The following RPTOR variants were observed in gnomAD, a reference collection of about 807,000 sequenced individuals.
RPTOR encodes regulatory-associated protein of mTOR.
A neutral mutation model predicts 169.9 loss-of-function variants in RPTOR; 21 were observed. The ratio of observed to expected loss-of-function variants is 0.12; its 90% CI spans 0.09 to 0.18. The LOEUF (loss-of-function observed/expected upper bound fraction) is 0.18. RPTOR is among the 10% of genes least tolerant of loss of function. The probability of loss-of-function intolerance (pLI) is 1.00; values close to 1 mark genes in which losing one functional copy is unlikely to be tolerated. For synonymous variants in RPTOR, 732 were observed against 753.2 expected (o/e 0.97, Z 0.46); for missense variants, 1,133 against 1,855.9 (o/e 0.61, Z 7.16).
chr17:80,888,705 G>A (rs2068278952), intron 17 of RPTOR, among the ~76,000 whole-genome samples: 1 of 152,246 alleles, frequency 6.6e-6, no homozygotes, highest in Non-Finnish European at 1.5e-5. Context: ...CTGCAGGGAG[G>A]GCTGCACCCA....
In RPTOR at chr17:80,827,043, A is replaced by G. The variant is rs115248406; in HGVS notation, c.1136+3820A>G. 7.1e-3 allele frequency among the ~76,000 whole-genome samples: 1,086 copies of G among 152,320 alleles called. 16 individuals carry two copies. Among genetic ancestry groups the G allele is most frequent in the African/African-American group, 0.025 (1,034 of 41,574 alleles). The stretch of plus-strand genomic sequence containing the variant: ...AGGAAGAGGCGAGCAGGAGTGACTC[A>G]CACCAGGCTCGGGCTCCAGGCTTCC... On this transcript the variant is annotated intron_variant, in intron 9 of 33. Transcript: ENST00000306801.
At chr17:80,898,235 T>C (rs1040394520) in intron 20 of RPTOR, among the ~76,000 whole-genome samples, 5 of 152,278 alleles carry the variant, frequency 3.3e-5, no homozygotes, top group Admixed American at 6.5e-5. Flanking sequence ...CCCTTGAGGC[T>C]GTCTGCAGTA....
intron 6 of RPTOR, among the ~76,000 whole-genome samples, chr17:80,765,279 T>A (rs10871488): frequency 6.6e-6 from 1 of 152,034 alleles, no homozygotes; most frequent in Non-Finnish European, 1.5e-5. Flanking sequence ...TCAGTTCTTC[T>A]TTTCAGAGAG....
chr17:80,608,955 G>T (rs536411990), intron 1 of RPTOR, among the ~76,000 whole-genome samples: 1 of 152,262 alleles, frequency 6.6e-6, no homozygotes, highest in African/African-American at 2.4e-5. Context: ...TGAGAGTCGG[G>T]AATGAACAAT....
Position 80,861,273 on chromosome 17 carries a change from A to T in RPTOR, c.1509+3373A>T, listed in dbSNP as rs988169353. 6.9e-6 allele frequency among the ~76,000 whole-genome samples: 1 copy of T among 144,554 alleles called. No homozygotes were observed. The highest frequency in any genetic ancestry group is 2.4e-5 in the African/African-American group (1 of 40,894). The allele number at this position is 144,554 out of a possible 152,430, so 94.8% of individuals were successfully genotyped here. ...AGCCACAGTTCCAGAGCTCAGAACC[A>T]GGACGTGGAAAACTGCTGTGTAAAT... On this transcript the variant is annotated intron_variant, in intron 13 of 33. Coordinates refer to ENST00000306801, the MANE Select transcript of RPTOR (RefSeq NM_020761.3). This position sits in a 1 kb window ranked among gnomAD's most constrained non-coding sequence, Gnocchi z 4.5.
chr17:80,873,406 G>C (rs2068072573), intron 13 of RPTOR, among the ~76,000 whole-genome samples: 3 of 152,122 alleles, frequency 2.0e-5, no homozygotes, highest in Admixed American at 2.0e-4. Context: ...CGCCTAATAG[G>C]AACCAGGACG....
At chr17:80,809,327 G>A (rs2067250049) in intron 7 of RPTOR, among the ~76,000 whole-genome samples, 1 of 152,178 alleles carries the variant, frequency 6.6e-6, no homozygotes, top group East Asian at 1.9e-4. Flanking sequence ...GAGTAAGTGG[G>A]ATTACAGGCG....
At chr17:80,876,129 A>G (rs1481781313) in intron 13 of RPTOR, among the ~76,000 whole-genome samples, 19 of 83,144 alleles carry the variant, frequency 2.3e-4, no homozygotes, top group Admixed American at 5.9e-4. Context: ...GCTGCCCAGG[A>G]TGTGTGTGTC....
rs1567831460 is a variant in RPTOR, at chr17:80,634,715, CGTACTGTGT to C, written c.265+8925_265+8933del. Among the ~76,000 whole-genome samples the C allele has an allele frequency of 1.6e-3, 120 of 76,784 alleles. 5 individuals carry two copies. Among genetic ancestry groups the C allele is most frequent in the African/African-American group, 6.0e-3 (85 of 14,098 alleles). 50.4% of individuals were successfully genotyped at this position (76,784 alleles called of 152,430 possible). A position where few individuals can be genotyped will look rare whatever the true frequency, so the allele number is the denominator to read the frequency against. The stretch of plus-strand genomic sequence containing the variant: ...TGTGCGTGTGCGTACTGTGTGTGTG[CGTACTGTGT>C]GTGTGCGTACTGTGTGTGTGCATAC... On this transcript the variant is annotated intron_variant, in intron 2 of 33. Transcript: ENST00000306801.
chr17:80,680,807 C>T (rs896522428), intron 3 of RPTOR, among the ~76,000 whole-genome samples: 2 of 152,048 alleles, frequency 1.3e-5, no homozygotes, highest in African/African-American at 2.4e-5. Flanking sequence ...AGTGGTCCTG[C>T]GTGCCGAGGC....
chr17:80,922,913 C>T lies in RPTOR; in HGVS notation c.2624+86C>T. 2 of 1,113,360 alleles carry T rather than the reference C, an allele frequency of 1.8e-6. 1 individual carries two copies. The highest frequency in any genetic ancestry group is 2.8e-5 in the South Asian group (2 of 72,376). 69.0% of individuals were successfully genotyped at this position (1,113,360 alleles called of 1,614,324 possible). ...CTGTCCCTGAGCCGGCCTCCCCATC[C>T]TCCTCCTTCCCCGCCCTGTCTTGGC... is the stretch of plus-strand genomic sequence containing the variant. On this transcript the variant is annotated intron_variant, in intron 22 of 33. Coordinates refer to ENST00000306801, the MANE Select transcript of RPTOR (RefSeq NM_020761.3).
At chr17:80,620,283 T>G (rs2143516395) in intron 1 of RPTOR, among the ~76,000 whole-genome samples, 2 of 152,342 alleles carry the variant, frequency 1.3e-5, no homozygotes, top group South Asian at 4.1e-4. Flanking sequence ...GGAAAATGTC[T>G]TAAAGTCAAA....
intron 3 of RPTOR, among the ~76,000 whole-genome samples, chr17:80,673,986 A>C (rs1308350544): frequency 6.6e-6 from 1 of 152,234 alleles, no homozygotes; most frequent in Non-Finnish European, 1.5e-5. Context: ...GAGTGTCATC[A>C]TCTTGGCCCT....
In RPTOR at chr17:80,743,500, T is replaced by A. The variant is rs936440347; in HGVS notation, c.655-10510T>A. ...TTGTGTGGGGAGCTCCAGCAGCGCG[T>A]TCGGAGTGCTGGGCATTGCCAGGTC... is the stretch of plus-strand genomic sequence containing the variant. On this transcript the variant is annotated intron_variant, in intron 5 of 33. Transcript: ENST00000306801. 3.5e-5 allele frequency: 34 copies of A among 967,352 alleles called. No individual in the cohort carries two copies. In the African/African-American group the frequency reaches 5.1e-4, roughly 14 times the overall value. 59.9% of individuals were successfully genotyped at this position (967,352 alleles called of 1,614,324 possible).
chr17:80,562,913 G>A lies in RPTOR; in HGVS notation c.162+17122G>A, dbSNP rs1409962155. ...AAGTCCTTGCTGAGGTCCAGATTTA[G>A]TTTTCAGCTAGGTGTGACCGTCGCC... On this transcript the variant is annotated intron_variant, in intron 1 of 33. Coordinates refer to ENST00000306801, the MANE Select transcript of RPTOR (RefSeq NM_020761.3). This position sits in a 1 kb window ranked among gnomAD's most constrained non-coding sequence, Gnocchi z 4.4. Among the ~76,000 whole-genome samples, 1 of 152,250 alleles carries A rather than the reference G, an allele frequency of 6.6e-6. No individual in the cohort carries two copies. The highest frequency in any genetic ancestry group is 1.5e-5 in the Non-Finnish European group (1 of 68,036).
At chr17:80,675,421 C>G (rs2065854455) in intron 3 of RPTOR, among the ~76,000 whole-genome samples, 1 of 152,226 alleles carries the variant, frequency 6.6e-6, no homozygotes, top group Admixed American at 6.5e-5. Flanking sequence ...CCAGCCATCC[C>G]TCCTCTCTGT....
At chr17:80,893,895 AG>A (rs746513145) in intron 20 of RPTOR, 30 bp downstream of exon 20, 2 of 1,505,234 alleles carry the variant, frequency 1.3e-6, no homozygotes, top group Non-Finnish European at 1.8e-6. Context: ...TCTGCTTCCG[AG>A]GGGCCCCGAG....
chr17:80,618,443 G>A (rs1295501321), intron 1 of RPTOR, among the ~76,000 whole-genome samples: 3 of 152,184 alleles, frequency 2.0e-5, no homozygotes, highest in African/African-American at 7.2e-5. Context: ...CTGTGATGTT[G>A]GAACTAAACT....
At chr17:80,857,341 G>A (rs1023624559) in intron 12 of RPTOR, among the ~76,000 whole-genome samples, 78 of 152,178 alleles carry the variant, frequency 5.1e-4, no homozygotes, top group Admixed American at 2.4e-3. Context: ...TGGCCGTGCC[G>A]TCACGGAGAG....
Sources: gnomAD v4.1 joint callset for allele counts (sites outside exome capture counted in the v4.1 genomes callset) on GRCh38, gnomAD v4.1.1 for gene constraint, Gnocchi (gnomAD v3.1) non-coding constraint, MANE v1.5 for transcripts, NCBI Gene and HGNC (gene_info 2026-07-23, HGNC 2026-07-21) for gene names.